The following TMEM47 variants were observed in gnomAD, a reference collection of about 807,000 sequenced individuals.
TMEM47 encodes brain cell membrane protein 1.
Under a neutral mutation model 12.4 loss-of-function variants are expected in TMEM47, and 3 were observed. That is an observed-to-expected ratio of 0.24 (90% CI 0.11 to 0.63). The LOEUF (loss-of-function observed/expected upper bound fraction) is 0.63. Among genes scored for constraint, TMEM47 ranks in the 20% least tolerant of loss-of-function variants. The pLI is 0.86. For synonymous variants in TMEM47, 62 were observed against 63.3 expected (o/e 0.98, Z 0.10); for missense variants, 89 against 143.8 (o/e 0.62, Z 1.95).
At chrX:34,648,293 C>T (rs1468364016) in intron 1 of TMEM47, among the ~76,000 whole-genome samples, 1 of 111,941 alleles carries the variant, frequency 8.9e-6, no homozygotes, top group East Asian at 2.8e-4. Flanking sequence ...AACTATACAA[C>T]AGGGCTACAG....
chrX:34,636,839 T>G (rs967408232), intron 2 of TMEM47, among the ~76,000 whole-genome samples: 1 of 111,219 alleles, frequency 9.0e-6, no homozygotes, highest in Non-Finnish European at 1.9e-5. Context: ...CAGTGCACAG[T>G]TGGCAACTGA....
intron 1 of TMEM47, among the ~76,000 whole-genome samples, chrX:34,643,644 C>T (rs1921857687): frequency 9.0e-6 from 1 of 111,602 alleles, no homozygotes; most frequent in Admixed American, 9.6e-5. Flanking sequence ...TAGTTTTCTA[C>T]CTTTCTATAA....
intron 1 of TMEM47, among the ~76,000 whole-genome samples, chrX:34,642,762 A>C (rs1053083891): frequency 8.9e-6 from 1 of 112,125 alleles, no homozygotes; most frequent in Non-Finnish European, 1.9e-5. Flanking sequence ...TCCAAAAGAA[A>C]CTAGAAATGG....
chrX:34,651,765 C>G (rs1207001391), intron 1 of TMEM47, among the ~76,000 whole-genome samples: 1 of 111,866 alleles, frequency 8.9e-6, no homozygotes, highest in African/African-American at 3.3e-5. Flanking sequence ...ACTGAGGTGT[C>G]TGGCTTGTAA....
At chrX:34,644,479 G>T (rs1361020316) in intron 1 of TMEM47, among the ~76,000 whole-genome samples, 1 of 111,810 alleles carries the variant, frequency 8.9e-6, no homozygotes, top group African/African-American at 3.3e-5. Context: ...TTTTAACAAG[G>T]ATACATTTTC....
At position 34,657,158 on chromosome X, in the gene TMEM47, C is replaced by T; in HGVS notation, c.-129G>A. On this transcript the variant is annotated 5_prime_UTR_variant, in exon 1 of 3. Coordinates refer to ENST00000275954, the MANE Select transcript of TMEM47 (RefSeq NM_031442.4). ...CGCGCGGGGACTCGCTCCCTCGGGG[C>T]TCTGCGCGCCCCCTGCCGCGCGGCC... The T allele has an allele frequency of 1.0e-6, 1 of 980,774 alleles. No homozygotes were observed. Among genetic ancestry groups the T allele is most frequent in the African/African-American group, 2.0e-5 (1 of 49,257 alleles). 80.8% of individuals were successfully genotyped at this position (980,774 alleles called of 1,213,427 possible).
chrX:34,643,833 A>G (rs1921861470), intron 1 of TMEM47, among the ~76,000 whole-genome samples: 1 of 111,141 alleles, frequency 9.0e-6, no homozygotes, highest in African/African-American at 3.3e-5. Flanking sequence ...AGAACAGGTG[A>G]TAATCAGTTT....
chrX:34,657,276 G>C lies in TMEM47; in HGVS notation c.-247C>G, dbSNP rs1922133214. ...CCCGGACCTTCGCCGCCGGCCCCGC[G>C]CCGCGCTCTGCCAGCGCCCGCGCCC... On this transcript the variant is annotated 5_prime_UTR_variant, in exon 1 of 3. Coordinates refer to ENST00000275954, the MANE Select transcript of TMEM47 (RefSeq NM_031442.4). The C allele has an allele frequency of 3.9e-6, 1 of 253,166 alleles. No homozygotes were observed. Among genetic ancestry groups the C allele is most frequent in the African/African-American group, 2.9e-5 (1 of 34,220 alleles). 20.9% of individuals were successfully genotyped at this position (253,166 alleles called of 1,213,427 possible).
intron 1 of TMEM47, among the ~76,000 whole-genome samples, chrX:34,646,905 G>A (rs960613706): frequency 3.6e-4 from 40 of 111,504 alleles, no homozygotes; most frequent in Middle Eastern, 4.6e-3. Flanking sequence ...CTCCTTCACA[G>A]CACTTTGCAC....
intron 1 of TMEM47, among the ~76,000 whole-genome samples, chrX:34,640,415 A>C (rs897974815): frequency 8.9e-6 from 1 of 111,924 alleles, no homozygotes; most frequent in Non-Finnish European, 1.9e-5. Flanking sequence ...ATGATGAAAA[A>C]CTGGCCCATT....
chrX:34,649,312 T>C (rs1333288319), intron 1 of TMEM47, among the ~76,000 whole-genome samples: 2 of 111,526 alleles, frequency 1.8e-5, no homozygotes, highest in Non-Finnish European at 3.8e-5. Flanking sequence ...TGTCCATCGA[T>C]GACAGATGGG....
intron 1 of TMEM47, among the ~76,000 whole-genome samples, chrX:34,641,293 T>C (rs551208902): frequency 1.8e-5 from 2 of 111,422 alleles, no homozygotes; most frequent in South Asian, 3.8e-4. Flanking sequence ...AATCCATCCA[T>C]CCATCCATCC....
intron 2 of TMEM47, among the ~76,000 whole-genome samples, chrX:34,634,959 A>G (rs1221341907): frequency 9.0e-6 from 1 of 111,689 alleles, no homozygotes; most frequent in Non-Finnish European, 1.9e-5. Flanking sequence ...CTGCGAGGTT[A>G]TTGTAATTGT....
At chrX:34,634,699 G>A (rs1569162671) in intron 2 of TMEM47, among the ~76,000 whole-genome samples, 1 of 112,029 alleles carries the variant, frequency 8.9e-6, no homozygotes, top group East Asian at 2.8e-4. Context: ...AAGAAAGGAG[G>A]GCTTCAGAGG....
intron 1 of TMEM47, among the ~76,000 whole-genome samples, chrX:34,655,385 C>T (rs1262489447): frequency 9.0e-6 from 1 of 111,601 alleles, no homozygotes; most frequent in East Asian, 2.8e-4. Context: ...TTTATTTTAT[C>T]TTTAGTTGTA....
intron 2 of TMEM47, among the ~76,000 whole-genome samples, chrX:34,633,585 A>G (rs1272754183): frequency 8.9e-6 from 1 of 111,824 alleles, no homozygotes; most frequent in African/African-American, 3.3e-5. Flanking sequence ...TCTACGTGTG[A>G]CAGGCAGCTG....
At chrX:34,633,335 T>G (rs1016353897) in intron 2 of TMEM47, among the ~76,000 whole-genome samples, 2 of 111,569 alleles carry the variant, frequency 1.8e-5, no homozygotes, top group African/African-American at 6.5e-5. Flanking sequence ...AGCACAGATC[T>G]GAATGAATTG....
intron 1 of TMEM47, among the ~76,000 whole-genome samples, chrX:34,655,782 GAGAGAGAGAA>G (rs1224637692): frequency 7.2e-5 from 7 of 97,415 alleles, no homozygotes; most frequent in Non-Finnish European, 1.0e-4. Context: ...GTGTGAGAGA[GAGAGAGAGAA>G]AGAGAGAGAA....
In TMEM47 at chrX:34,637,391, A is replaced by G. The variant is rs754307888; in HGVS notation, c.367+1856T>C. Among the ~76,000 whole-genome samples, 8 of 111,514 alleles carry G rather than the reference A, an allele frequency of 7.2e-5. 1 individual carries two copies. In the East Asian group the frequency reaches 2.3e-3, roughly 31 times the overall value. On this transcript the variant is annotated intron_variant, in intron 2 of 2. Transcript: ENST00000275954. ...GCTATCTTTATGAGACTTAATTATC[A>G]GTTTTCAGTAAAAACCCTTAGAGTA...
Sources: gnomAD v4.1 joint callset for allele counts (sites outside exome capture counted in the v4.1 genomes callset) on GRCh38, gnomAD v4.1.1 for gene constraint, MANE v1.5 for transcripts, NCBI Gene and HGNC (gene_info 2026-07-23, HGNC 2026-07-21) for gene names.